Variants in CAMK2B observed in about 807,000 individuals in gnomAD.
CAMK2B encodes calcium/calmodulin dependent protein kinase II beta.
Under a neutral mutation model 93.7 loss-of-function variants are expected in CAMK2B, and 27 were observed. The observed-to-expected ratio is 0.29, with a 90% CI of 0.21 to 0.40. The LOEUF (loss-of-function observed/expected upper bound fraction) is 0.40, where lower values mean the gene tolerates loss of function less well. CAMK2B is among the 10% of genes least tolerant of loss of function. The pLI, the probability that CAMK2B is intolerant of heterozygous loss-of-function variation, is 1.00. For synonymous variants in CAMK2B, 374 were observed against 358.8 expected, an observed-to-expected ratio of 1.04 and a Z score of -0.48; for missense variants, 568 against 895.8, an observed-to-expected ratio of 0.63 and a Z score of 4.67.
chr7:44,226,527 AG>A lies in CAMK2B; in HGVS notation c.1585del (p.Leu529CysfsTer37). 2 of 1,449,562 alleles carry A rather than the reference AG, an allele frequency of 1.4e-6. No homozygotes were observed. The highest frequency in any genetic ancestry group is 1.5e-5 in the South Asian group (1 of 65,218). 89.8% of individuals were successfully genotyped at this position (1,449,562 alleles called of 1,614,324 possible). A position where few individuals can be genotyped will look rare whatever the true frequency, so the allele number is the denominator to read the frequency against. On this transcript the variant is annotated frameshift_variant, in exon 20 of 24. Coordinates refer to ENST00000395749, the MANE Select transcript of CAMK2B (RefSeq NM_001220.5). LOFTEE classifies it high-confidence loss of function. ...AAGGTGCTACTTACATGGGGTGGGC[AG>A]GGGGCCAGGGATAGTCGGAGATGGG... ...PCPSPTIPGP[L>X]PTPSRKQEII...
chr7:44,247,291 C>T (rs2096740866), intron 5 of CAMK2B, 99 bp from the exon 6 acceptor site: 1 of 974,636 alleles, frequency 1.0e-6, no homozygotes, highest in Non-Finnish European at 1.6e-6. Context: ...CCTGGGGGGA[C>T]CAGGGGGACA....
chr7:44,229,868 T>C (rs1246416584), intron 17 of CAMK2B: 1 of 190,756 alleles, frequency 5.2e-6, no homozygotes, highest in Non-Finnish European at 1.1e-5. Flanking sequence ...ACAGTCATCG[T>C]AGGGGCATGA....
At chr7:44,307,975 C>G (rs903875904) in intron 1 of CAMK2B, among the ~76,000 whole-genome samples, 3 of 152,032 alleles carry the variant, frequency 2.0e-5, no homozygotes, top group African/African-American at 7.2e-5. Context: ...AGTGATCCTC[C>G]CACCTGGGCC....
In CAMK2B at chr7:44,225,927, C is replaced by T. The variant is rs76057632; in HGVS notation, c.1597+589G>A. 1.1e-3 allele frequency: 1,357 copies of T among 1,276,456 alleles called. 9 individuals are homozygous for T. In the African/African-American group the frequency reaches 0.018, roughly 17 times the overall value. 79.1% of individuals were successfully genotyped at this position (1,276,456 alleles called of 1,614,324 possible). On this transcript the variant is annotated intron_variant, in intron 20 of 23. Coordinates refer to ENST00000395749, the MANE Select transcript of CAMK2B (RefSeq NM_001220.5). This position sits in a 1 kb window ranked among gnomAD's most constrained non-coding sequence, Gnocchi z 5.0. ...TACTGCGGGTAGTCGGCAGACAGAC[C>T]GGGAGGTGGCCCAGCCTGGCTCCTC... is the stretch of plus-strand genomic sequence containing the variant.
At chr7:44,244,412 C>A (rs1202200557) in intron 6 of CAMK2B, among the ~76,000 whole-genome samples, 1 of 152,090 alleles carries the variant, frequency 6.6e-6, no homozygotes, top group African/African-American at 2.4e-5. Flanking sequence ...TCTGGCCTAC[C>A]CATCAGCCTC....
intron 2 of CAMK2B, among the ~76,000 whole-genome samples, chr7:44,283,702 T>C (rs898095659): frequency 2.0e-5 from 3 of 152,226 alleles, no homozygotes; most frequent in Admixed American, 2.0e-4. Flanking sequence ...AGCTCTCATC[T>C]GGCCCACGGC....
At chr7:44,252,928 T>C (rs150195053) in intron 5 of CAMK2B, among the ~76,000 whole-genome samples, 2,366 of 152,246 alleles carry the variant, frequency 0.016, 14 homozygotes, top group South Asian at 0.025. Context: ...ACAAATTCCC[T>C]CCTCAAGGAT....
intron 1 of CAMK2B, 82 bp from the exon 2 acceptor site, chr7:44,284,307 A>C: frequency 2.0e-6 from 2 of 976,748 alleles, no homozygotes; most frequent in Non-Finnish European, 3.2e-6. Context: ...TCTCCCCATA[A>C]ACACTCCCCA....
intron 1 of CAMK2B, among the ~76,000 whole-genome samples, chr7:44,299,929 T>C (rs920473693): frequency 6.6e-6 from 1 of 151,978 alleles, no homozygotes; most frequent in African/African-American, 2.4e-5. Context: ...TTTAAAAAAG[T>C]AAATGGATGG....
At chr7:44,254,477 G>A in intron 5 of CAMK2B, 65 bp downstream of exon 5, 1 of 1,182,472 alleles carries the variant, frequency 8.5e-7, no homozygotes, top group Non-Finnish European at 1.3e-6. Flanking sequence ...GCAGGAGTGG[G>A]TGAAGGAGGG....
chr7:44,325,864 C>G, upstream of CAMK2B: 1 of 145,564 alleles, frequency 6.9e-6, no homozygotes, highest in Non-Finnish European at 1.5e-5. Context: ...CCCCCGCCCG[C>G]CCCCGCACCC....
chr7:44,217,969 C>T lies in CAMK2B; in HGVS notation c.*1556G>A, dbSNP rs2096359539. Reference sequence around the variant, plus strand: ...GGCCGGGGACCCACCGCCTCGAACCCAGGCAGCCGACGCTCAGGAGCACAG... The same window carrying T: ...GGCCGGGGACCCACCGCCTCGAACCTAGGCAGCCGACGCTCAGGAGCACAG... On this transcript the variant is annotated 3_prime_UTR_variant, in exon 24 of 24. Coordinates refer to ENST00000395749, the MANE Select transcript of CAMK2B (RefSeq NM_001220.5). 1.3e-5 allele frequency: 2 copies of T among 152,334 alleles called. No individual in the cohort carries two copies. The highest frequency in any genetic ancestry group is 1.3e-4 in the Admixed American group (2 of 15,282). 9.4% of individuals were successfully genotyped at this position (152,334 alleles called of 1,614,324 possible).
intron 3 of CAMK2B, among the ~76,000 whole-genome samples, chr7:44,260,599 G>A (rs1253246697): frequency 6.6e-6 from 1 of 152,186 alleles, no homozygotes; most frequent in Non-Finnish European, 1.5e-5. Flanking sequence ...TTCACAGGGT[G>A]GCCGTGAAGA....
At chr7:44,220,336 C>T (rs754538257) in intron 22 of CAMK2B, 42 bp from the exon 23 acceptor site, 3 of 1,473,796 alleles carry the variant, frequency 2.0e-6, no homozygotes, top group South Asian at 2.3e-5. Flanking sequence ...GTTACCATGA[C>T]TGCCCTGGTG....
At chr7:44,223,828 C>T (rs1281243931) in intron 20 of CAMK2B, among the ~76,000 whole-genome samples, 2 of 152,150 alleles carry the variant, frequency 1.3e-5, no homozygotes, top group African/African-American at 2.4e-5. Flanking sequence ...GTCCACATGT[C>T]CCAAACACCT....
At position 44,286,855 on chromosome 7, in the gene CAMK2B, G is replaced by A. The variant is rs1056078705; in HGVS notation, c.66-2630C>T. 7.2e-5 allele frequency among the ~76,000 whole-genome samples: 11 copies of A among 152,036 alleles called. No homozygotes were observed. Among genetic ancestry groups the A allele is most frequent in the African/African-American group, 2.7e-4 (11 of 41,372 alleles). ...GGAGGAAGGCATGGCTGGGGGCCTC[G>A]GGATGAGTGTGGAGTGGGAGCACCA... On this transcript the variant is annotated intron_variant, in intron 1 of 23. Transcript: ENST00000395749. This position sits in a 1 kb window ranked among gnomAD's most constrained non-coding sequence, Gnocchi z 4.0.
At chr7:44,308,721 T>G (rs1040011958) in intron 1 of CAMK2B, among the ~76,000 whole-genome samples, 1 of 152,118 alleles carries the variant, frequency 6.6e-6, no homozygotes, top group African/African-American at 2.4e-5. Context: ...CAAGGCCCCG[T>G]CCTACTCAGG....
intron 6 of CAMK2B, 119 bp from the exon 7 acceptor site, chr7:44,243,646 G>A (rs995372668): frequency 3.6e-5 from 27 of 741,758 alleles, no homozygotes; most frequent in Non-Finnish European, 6.0e-5. Context: ...AGGTGCACAG[G>A]TCTGAGCCCT....
intron 1 of CAMK2B, among the ~76,000 whole-genome samples, chr7:44,288,711 A>G (rs1785829382): frequency 6.6e-6 from 1 of 152,206 alleles, no homozygotes; most frequent in African/African-American, 2.4e-5. Flanking sequence ...CAGTGGGATC[A>G]ACAGTACCAG....
Sources: allele counts gnomAD v4.1 joint callset (sites outside exome capture counted in the v4.1 genomes callset), GRCh38; gene constraint gnomAD v4.1.1; non-coding constraint Gnocchi (gnomAD v3.1); transcripts MANE v1.5; gene names NCBI Gene and HGNC (gene_info 2026-07-23, HGNC 2026-07-21).